ANKRD11: variants seen among roughly 807,000 people sequenced by gnomAD.
ANKRD11 encodes the protein ankyrin repeat domain 11.
A neutral mutation model predicts 195.7 loss-of-function variants in ANKRD11; 17 were observed. The ratio of observed to expected loss-of-function variants is 0.09; its 90% confidence interval spans 0.06 to 0.13. The LOEUF is 0.13. ANKRD11 is among the 10% of genes least tolerant of loss of function. The pLI, the probability that ANKRD11 is intolerant of heterozygous loss-of-function variation, is 1.00. For missense variants in ANKRD11, 3,735 were observed against 3,566.1 expected (o/e 1.05, Z -1.21); for synonymous variants, 1,953 against 1,528.1 (o/e 1.28, Z -6.49).
chr16:89,338,974 C>G (rs1177842722), intron 2 of ANKRD11, among the ~76,000 whole-genome samples: 1 of 152,094 alleles, frequency 6.6e-6, no homozygotes, highest in Non-Finnish European at 1.5e-5. Flanking sequence ...TCCTTTCCCT[C>G]AAAGTCACCA....
chr16:89,273,559 T>C (rs551626255), intron 11 of ANKRD11, among the ~76,000 whole-genome samples: 2 of 152,156 alleles, frequency 1.3e-5, no homozygotes, highest in African/African-American at 4.8e-5. Context: ...CAGCCGGGCA[T>C]GGTAGCGCAT....
intron 2 of ANKRD11, among the ~76,000 whole-genome samples, chr16:89,388,753 T>C (rs1488850120): frequency 6.6e-6 from 1 of 152,148 alleles, no homozygotes; most frequent in South Asian, 2.1e-4. Context: ...AGGTCTGGAA[T>C]GGTGCCACTG....
intron 1 of ANKRD11, among the ~76,000 whole-genome samples, chr16:89,437,526 A>G (rs1297684772): frequency 6.6e-6 from 1 of 151,582 alleles, no homozygotes; most frequent in African/African-American, 2.4e-5. Context: ...GCATGCCACC[A>G]TCTCCCCTGA....
chr16:89,330,017 A>AAATAG (rs993644814), intron 2 of ANKRD11, among the ~76,000 whole-genome samples: 1 of 151,958 alleles, frequency 6.6e-6, no homozygotes, highest in Non-Finnish European at 1.5e-5. Flanking sequence ...AAATAAAATA[A>AAATAG]AATAAAATAA....
chr16:89,301,293 C>T (rs896127975), intron 4 of ANKRD11: 12 of 377,152 alleles, frequency 3.2e-5, no homozygotes, highest in Admixed American at 1.4e-4. Context: ...TTTTGGGAAA[C>T]CTTACACATA....
At chr16:89,367,444 C>T (rs1354205458) in intron 2 of ANKRD11, among the ~76,000 whole-genome samples, 2 of 152,144 alleles carry the variant, frequency 1.3e-5, no homozygotes, top group Non-Finnish European at 2.9e-5. Context: ...CGCTCTCAAA[C>T]GACCGGGAGT....
intron 2 of ANKRD11, among the ~76,000 whole-genome samples, chr16:89,402,652 G>T (rs954137065): frequency 6.7e-6 from 1 of 149,898 alleles, no homozygotes; most frequent in African/African-American, 2.5e-5. Flanking sequence ...GGGCAGCACT[G>T]CAGGGTGAGG....
At chr16:89,380,533 C>T (rs1387293704) in intron 2 of ANKRD11, among the ~76,000 whole-genome samples, 1 of 148,084 alleles carries the variant, frequency 6.8e-6, no homozygotes, top group Admixed American at 6.9e-5. Flanking sequence ...AGAAACGGGA[C>T]ACAGGGCACG....
intron 2 of ANKRD11, among the ~76,000 whole-genome samples, chr16:89,391,021 G>A (rs1396628100): frequency 6.6e-6 from 1 of 152,118 alleles, no homozygotes; most frequent in East Asian, 1.9e-4. Flanking sequence ...GAGGTCAGGA[G>A]ATCGAGACCA....
In ANKRD11 at chr16:89,268,700, G is replaced by T. The variant is rs757939041; in HGVS notation, c.7807-37C>A. ...ACAGCGGGGAGAGGAGGGAGGAGGA[G>T]TGAAGGGAGAGCCCCAGACTCTGCC... On this transcript the variant is annotated intron_variant, in intron 12 of 12. Transcript: ENST00000301030. 8 of 1,558,520 alleles carry T rather than the reference G, an allele frequency of 5.1e-6. No homozygotes were observed. The East Asian group carries it at 1.9e-4, about 37-fold the overall frequency.
intron 2 of ANKRD11, among the ~76,000 whole-genome samples, chr16:89,338,819 C>A (rs1477220237): frequency 6.7e-6 from 1 of 149,076 alleles, no homozygotes; most frequent in Non-Finnish European, 1.5e-5. Flanking sequence ...TTTAGAAAAT[C>A]AGCCAGGCAA....
Position 89,271,127 on chromosome 16 carries a change from G to A in ANKRD11, c.7714-218C>T, listed in dbSNP as rs112848732. ...CTAAAATGCGCGTGGAGGCAGCTGGGCCTTTGTCTCCTGGGCACCGGGTGC... is the reference window on the plus strand; with the variant it reads ...CTAAAATGCGCGTGGAGGCAGCTGGACCTTTGTCTCCTGGGCACCGGGTGC... On this transcript the variant is annotated intron_variant, in intron 11 of 12. Transcript: ENST00000301030. 2.6e-3 allele frequency: 1,587 copies of A among 604,618 alleles called. 18 individuals are homozygous for A. The highest frequency in any genetic ancestry group is 0.025 in the African/African-American group (1,390 of 55,034). 37.5% of individuals were successfully genotyped at this position (604,618 alleles called of 1,614,324 possible). A position where few individuals can be genotyped will look rare whatever the true frequency, so the allele number is the denominator to read the frequency against.
At chr16:89,337,254 C>T (rs1034933376) in intron 2 of ANKRD11, among the ~76,000 whole-genome samples, 2 of 151,644 alleles carry the variant, frequency 1.3e-5, no homozygotes, top group Middle Eastern at 3.2e-3. Flanking sequence ...AAGCCCCATG[C>T]CCAAATGCTC....
At chr16:89,344,071 G>A (rs904215821) in intron 2 of ANKRD11, among the ~76,000 whole-genome samples, 12 of 152,280 alleles carry the variant, frequency 7.9e-5, no homozygotes, top group African/African-American at 2.6e-4. Context: ...CCCAGCGGAA[G>A]CTTTTGGTGC....
At chr16:89,368,625 G>T (rs2065841824) in intron 2 of ANKRD11, among the ~76,000 whole-genome samples, 1 of 147,400 alleles carries the variant, frequency 6.8e-6, no homozygotes. Flanking sequence ...AAAAAAAAAA[G>T]GGCTGGGTGC....
At chr16:89,435,404 G>A (rs917104947) in intron 1 of ANKRD11, among the ~76,000 whole-genome samples, 2 of 152,196 alleles carry the variant, frequency 1.3e-5, no homozygotes, top group Non-Finnish European at 2.9e-5. Context: ...TGTGGGAGCT[G>A]TGTTCTTTCA....
intron 2 of ANKRD11, among the ~76,000 whole-genome samples, chr16:89,331,616 T>TA (rs958933499): frequency 1.3e-5 from 2 of 151,896 alleles, no homozygotes; most frequent in African/African-American, 4.8e-5. Context: ...ATTCAGGAGA[T>TA]AGAGATTTAT....
intron 2 of ANKRD11, among the ~76,000 whole-genome samples, chr16:89,351,765 A>G (rs2039230968): frequency 6.6e-6 from 1 of 152,220 alleles, no homozygotes; most frequent in Admixed American, 6.5e-5. Flanking sequence ...AGTGACGATT[A>G]AAGGTCCAAG....
chr16:89,463,009 A>G (rs2056748026), intron 1 of ANKRD11, among the ~76,000 whole-genome samples: 1 of 147,842 alleles, frequency 6.8e-6, no homozygotes, highest in South Asian at 2.2e-4. Context: ...TGGGGGGGTC[A>G]GCCCCCCGCC....
Sources: allele counts gnomAD v4.1 joint callset (sites outside exome capture counted in the v4.1 genomes callset), GRCh38; gene constraint gnomAD v4.1.1; transcripts MANE v1.5; gene names NCBI Gene and HGNC (gene_info 2026-07-23, HGNC 2026-07-21).